Variants in ZNF366 observed in about 807,000 individuals in gnomAD.
ZNF366 encodes dendritic cell-specific transcript protein.
A neutral mutation model predicts 47.2 loss-of-function variants in ZNF366; 20 were observed. That is an observed-to-expected ratio of 0.42 (90% CI 0.30 to 0.62). ZNF366 has a LOEUF of 0.62. ZNF366 is among the 20% of genes least tolerant of loss of function. The pLI is 0.16. For synonymous variants in ZNF366, 421 were observed against 395.1 expected, an observed-to-expected ratio of 1.07 and a Z score of -0.78; for missense variants, 987 against 976.3, an observed-to-expected ratio of 1.01 and a Z score of -0.15.
At chr5:72,455,386 C>A (rs1455401031) in intron 3 of ZNF366, among the ~76,000 whole-genome samples, 1 of 152,158 alleles carries the variant, frequency 6.6e-6, no homozygotes, top group Non-Finnish European at 1.5e-5. Context: ...AGCAGAGTAT[C>A]ATTTGAACCC....
intron 1 of ZNF366, among the ~76,000 whole-genome samples, chr5:72,505,315 C>G (rs541170991): frequency 6.6e-6 from 1 of 152,178 alleles, no homozygotes; most frequent in Non-Finnish European, 1.5e-5. Flanking sequence ...TTTTATTCTT[C>G]GGGTAGCTAA....
intron 1 of ZNF366, among the ~76,000 whole-genome samples, chr5:72,506,662 C>T (rs1744323439): frequency 6.6e-6 from 1 of 152,222 alleles, no homozygotes; most frequent in African/African-American, 2.4e-5. Context: ...ACTCAACCCG[C>T]ATGGGGAACC....
intron 1 of ZNF366, among the ~76,000 whole-genome samples, chr5:72,501,272 A>G (rs947972435): frequency 1.3e-5 from 2 of 152,192 alleles, no homozygotes; most frequent in African/African-American, 4.8e-5. Flanking sequence ...GCCATAATCT[A>G]TCAAAGGAAT....
Position 72,460,468 on chromosome 5 carries a change from G to A in ZNF366, c.1029C>T (p.Gly343=), listed in dbSNP as rs200659147. ...GCTCGCTGGGGTAGGCAAAGCCGCG[G>A]CCGCACACGCGGCAGTTGTGCGGCT... is the stretch of plus-strand genomic sequence containing the variant. ...EVKPHNCRVC[G]RGFAYPSELK... is the part of the protein sequence containing the mutation. Residue 343 remains glycine (G), a synonymous_variant, in exon 2 of 5, where the codon GGC becomes GGT. Transcript: ENST00000318442. 37 of 1,613,854 alleles carry A rather than the reference G, an allele frequency of 2.3e-5. No individual in the cohort carries two copies. The highest frequency in any genetic ancestry group is 3.1e-5 in the Non-Finnish European group (36 of 1,179,956).
chr5:72,462,378 T>C (rs1235585258), intron 1 of ZNF366, among the ~76,000 whole-genome samples: 3 of 152,114 alleles, frequency 2.0e-5, no homozygotes, highest in Admixed American at 6.5e-5. Context: ...TGGTGACTCC[T>C]GTGGTGCCTG....
chr5:72,462,547 C>CTTTCTTTCTTTCTT (rs11275151), intron 1 of ZNF366, among the ~76,000 whole-genome samples: 15 of 78,928 alleles, frequency 1.9e-4, no homozygotes, highest in South Asian at 1.7e-3. Context: ...TTCTTTCTTT[C>CTTTCTTTCTTTCTT]TTTTTTTTTT....
In ZNF366 at chr5:72,460,135, C is replaced by G. The variant is rs768863886; in HGVS notation, c.1332+30G>C. 8.1e-6 allele frequency: 13 copies of G among 1,602,666 alleles called. No individual in the cohort carries two copies. The East Asian group carries it at 2.7e-4, about 33-fold the overall frequency. On this transcript the variant is annotated intron_variant, in intron 2 of 4. Coordinates refer to ENST00000318442, the MANE Select transcript of ZNF366 (RefSeq NM_152625.3). ...GGGCCCCGCTCCTCTTCCCAAGGCC[C>G]CGTCCGCCCCACCAGAGGCCCCGCA...
chr5:72,459,959 G>A (rs1743266460), intron 2 of ZNF366, among the ~76,000 whole-genome samples: 1 of 152,246 alleles, frequency 6.6e-6, no homozygotes, highest in South Asian at 2.1e-4. Context: ...GGCTGCTGGG[G>A]CAAAGGGCTT....
chr5:72,445,814 G>C lies in ZNF366; in HGVS notation c.1699+1429C>G, dbSNP rs1742948268. ...TGGCTCAGGCAACTAGAGATTCAGT[G>C]AATAATTCAGGGGAAAAACTTTTGC... On this transcript the variant is annotated intron_variant, in intron 4 of 4. Transcript: ENST00000318442. Among the ~76,000 whole-genome samples, 3 of 152,152 alleles carry C rather than the reference G, an allele frequency of 2.0e-5. No homozygotes were observed. The South Asian group carries it at 6.2e-4, about 32-fold the overall frequency.
chr5:72,495,532 T>C (rs1170782373), intron 1 of ZNF366, among the ~76,000 whole-genome samples: 1 of 152,120 alleles, frequency 6.6e-6, no homozygotes, highest in Non-Finnish European at 1.5e-5. Flanking sequence ...ATGGTTGACA[T>C]ATTTTACATA....
chr5:72,470,241 A>T (rs1743532609), intron 1 of ZNF366, among the ~76,000 whole-genome samples: 1 of 152,060 alleles, frequency 6.6e-6, no homozygotes, highest in Non-Finnish European at 1.5e-5. Context: ...TAATCTCCAC[A>T]CTTGCAGGCC....
Position 72,461,318 on chromosome 5 carries a change from G to A in ZNF366, c.179C>T (p.Pro60Leu), listed in dbSNP as rs370140451. 37 of 1,613,962 alleles carry A rather than the reference G, an allele frequency of 2.3e-5. No individual in the cohort carries two copies. The highest frequency in any genetic ancestry group is 3.1e-5 in the Non-Finnish European group (36 of 1,180,028). ...GGGGAACCCATCTAGGTCTCCTGGG[G>A]GAGGTTCATACCGAAACTGGGAAAA... The part of the protein sequence containing the change: ...GPFSQFRYEP[P>L]PGDLDGFPGV... Residue 60 changes from proline (P) to leucine (L), a missense_variant, in exon 2 of 5, where the codon CCC (proline) becomes CTC (leucine). Pro to Leu is a moderately conservative substitution (Grantham distance 98, BLOSUM62 -3). Around this residue, in one of 3 missense-constraint regions of ZNF366, gnomAD observed 591 missense variants for 560.9 expected, o/e 1.05. Transcript: ENST00000318442.
At chr5:72,504,581 G>T (rs1160791088) in intron 1 of ZNF366, among the ~76,000 whole-genome samples, 1 of 152,108 alleles carries the variant, frequency 6.6e-6, no homozygotes, top group Admixed American at 6.5e-5. Context: ...TAAGAATTTA[G>T]AATTTAGAAT....
intron 1 of ZNF366, among the ~76,000 whole-genome samples, chr5:72,471,013 A>T (rs1743551729): frequency 2.0e-5 from 3 of 152,244 alleles, no homozygotes; most frequent in Admixed American, 2.0e-4. Context: ...AATGCCAATG[A>T]GTCTCTCAGT....
chr5:72,499,845 G>A (rs940208484), intron 1 of ZNF366, among the ~76,000 whole-genome samples: 1 of 152,114 alleles, frequency 6.6e-6, no homozygotes, highest in African/African-American at 2.4e-5. Context: ...CCTCAGTCAC[G>A]GGAGAGATGC....
intron 1 of ZNF366, among the ~76,000 whole-genome samples, chr5:72,467,114 C>T (rs1743444761): frequency 6.6e-6 from 1 of 152,184 alleles, no homozygotes; most frequent in South Asian, 2.1e-4. Flanking sequence ...ATTCTTTGTA[C>T]TAATAAGAGG....
intron 1 of ZNF366, among the ~76,000 whole-genome samples, chr5:72,502,529 T>C (rs370407974): frequency 6.6e-6 from 1 of 152,230 alleles, no homozygotes; most frequent in South Asian, 2.1e-4. Flanking sequence ...ACTTTTTCTA[T>C]AAGGTTTATA....
At position 72,441,295 on chromosome 5, in the gene ZNF366, T is replaced by C. The variant is rs1231417357; in HGVS notation, c.*2461A>G. 1 of 152,056 alleles carries C rather than the reference T, an allele frequency of 6.6e-6. No individual in the cohort carries two copies. The highest frequency in any genetic ancestry group is 1.5e-5 in the Non-Finnish European group (1 of 68,034). The allele number at this position is 152,056 out of a possible 1,614,324, so 9.4% of individuals were successfully genotyped here. A position where few individuals can be genotyped will look rare whatever the true frequency, so the allele number is the denominator to read the frequency against. ...AGGACGTGTGGTCAAACACAGCACA[T>C]AGTAGGTCCTCAACACATGGCCGCA... On this transcript the variant is annotated 3_prime_UTR_variant, in exon 5 of 5. Coordinates refer to ENST00000318442, the MANE Select transcript of ZNF366 (RefSeq NM_152625.3).
chr5:72,480,082 C>T (rs1226141614), intron 1 of ZNF366, among the ~76,000 whole-genome samples: 1 of 152,208 alleles, frequency 6.6e-6, no homozygotes, highest in Non-Finnish European at 1.5e-5. Flanking sequence ...AAAATCCATT[C>T]ATGAAACTAA....
Sources: gnomAD v4.1 joint callset for allele counts (sites outside exome capture counted in the v4.1 genomes callset) on GRCh38, gnomAD v4.1.1 for gene constraint, gnomAD v4.1.1 regional missense constraint, MANE v1.5 for transcripts, NCBI Gene and HGNC (gene_info 2026-07-23, HGNC 2026-07-21) for gene names.